Variants in WDR19 observed in about 807,000 individuals in gnomAD.
The protein encoded by WDR19 is WD repeat domain 19, also known as WD repeat-containing protein 19.
WDR19 carries 121 observed loss-of-function variants against 180.0 expected under a neutral mutation model. The ratio of observed to expected loss-of-function variants is 0.67; its 90% CI spans 0.58 to 0.78. The LOEUF (loss-of-function observed/expected upper bound fraction) is 0.78, where lower values mean the gene tolerates loss of function less well. Ranked by LOEUF, WDR19 falls within the 30% of genes least tolerant of loss-of-function variation. The pLI is 0.00. For missense variants in WDR19, 1,450 were observed against 1,640.7 expected (o/e 0.88, Z 2.01); for synonymous variants, 497 against 540.7 (o/e 0.92, Z 1.12).
chr4:39,228,724 A>C (rs1730550205), intron 17 of WDR19, 34 bp downstream of exon 17: 103 of 1,486,738 alleles, frequency 6.9e-5, no homozygotes, highest in Non-Finnish European at 8.2e-5. Flanking sequence ...GGAACTTCTC[A>C]TTTGCTTTTG....
At chr4:39,223,002 G>A (rs1000584190) in intron 14 of WDR19, among the ~76,000 whole-genome samples, 4 of 152,000 alleles carry the variant, frequency 2.6e-5, no homozygotes, top group Admixed American at 2.6e-4. Context: ...TTTTCACTCA[G>A]CAGACTTCTC....
In WDR19 at chr4:39,194,675, A is replaced by C. The variant is rs749043868; in HGVS notation, c.406+16A>C. On this transcript the variant is annotated intron_variant, in intron 5 of 36. Transcript: ENST00000399820. The stretch of plus-strand genomic sequence containing the variant: ...CCTGTCCTTGGTAGGTGATAGCTGG[A>C]AACACTGCTAAATATTTGAGATGCT... The C allele has an allele frequency of 3.9e-6, 6 of 1,529,128 alleles. No individual in the cohort carries two copies. The East Asian group carries it at 1.4e-4, about 35-fold the overall frequency. 94.7% of individuals were successfully genotyped at this position (1,529,128 alleles called of 1,614,324 possible).
intron 28 of WDR19, among the ~76,000 whole-genome samples, chr4:39,260,340 CTTT>C (rs71192837): frequency 4.4e-5 from 4 of 89,948 alleles, no homozygotes; most frequent in Non-Finnish European, 4.7e-5. Flanking sequence ...TTTTTTTTTT[CTTT>C]TTTTTTTTTT....
chr4:39,202,840 A>G (rs553988916), intron 6 of WDR19, among the ~76,000 whole-genome samples: 5 of 151,834 alleles, frequency 3.3e-5, no homozygotes, highest in Non-Finnish European at 5.9e-5. Context: ...CTCTTGATGC[A>G]TTGTTTCTTT....
chr4:39,232,360 C>T, intron 19 of WDR19, 88 bp downstream of exon 19: 1 of 1,059,530 alleles, frequency 9.4e-7, no homozygotes. Context: ...TGCAGCCGCT[C>T]ACGCCTCTAA....
chr4:39,206,469 C>T (rs952257635), intron 9 of WDR19, among the ~76,000 whole-genome samples: 2 of 152,124 alleles, frequency 1.3e-5, no homozygotes, highest in African/African-American at 2.4e-5. Context: ...CTATTTTTCT[C>T]TCTGTCCTCC....
In WDR19 at chr4:39,237,340, G is replaced by A. The variant is rs570328588; in HGVS notation, c.2363+2465G>A. 1.5e-4 allele frequency among the ~76,000 whole-genome samples: 23 copies of A among 152,122 alleles called. 1 individual carries two copies. In the South Asian group the frequency reaches 4.4e-3, roughly 29 times the overall value. ...TTGAGAGGCCCAAGGGAGGAAGACT[G>A]CTTGAGCTCAGGAGTTTGAGACCAG... On this transcript the variant is annotated intron_variant, in intron 20 of 36. Transcript: ENST00000399820.
rs1577823005 is a variant in WDR19 at position 39,186,576 on chromosome 4, C to CA, written c.142dup (p.Arg48LysfsTer3). ...TGTGAAAATCTTTGATCGCCATGGT[C>CA]AAAAAAGAAGTGAAATTAACTTACC... On this transcript the variant is annotated frameshift_variant, in exon 3 of 37. Coordinates refer to ENST00000399820, the MANE Select transcript of WDR19 (RefSeq NM_025132.4). LOFTEE classifies it high-confidence loss of function. 6.4e-7 allele frequency: 1 copy of CA among 1,570,846 alleles called. No homozygotes were observed. Among genetic ancestry groups the CA allele is most frequent in the Non-Finnish European group, 8.6e-7 (1 of 1,161,526 alleles).
At chr4:39,277,437 G>A (rs572358549) in intron 34 of WDR19, among the ~76,000 whole-genome samples, 132 of 152,278 alleles carry the variant, frequency 8.7e-4, no homozygotes, top group African/African-American at 3.0e-3. Context: ...ACAGATTGAC[G>A]AGCTACACAA....
chr4:39,279,624 C>G (rs1211130855), intron 36 of WDR19, among the ~76,000 whole-genome samples: 1 of 152,116 alleles, frequency 6.6e-6, no homozygotes, highest in Non-Finnish European at 1.5e-5. Context: ...GTTGCACCCT[C>G]TTACATTCCC....
At chr4:39,218,742 TAA>T (rs1367614028) in intron 14 of WDR19, 1 of 152,332 alleles carries the variant, frequency 6.6e-6, no homozygotes, top group Non-Finnish European at 1.5e-5. Context: ...GCTTTATATT[TAA>T]AAAAACTTTT....
At chr4:39,263,938 A>AG (rs1734545367) in intron 28 of WDR19, among the ~76,000 whole-genome samples, 1 of 151,050 alleles carries the variant, frequency 6.6e-6, no homozygotes, top group Non-Finnish European at 1.5e-5. Flanking sequence ...AAAAAAAAAA[A>AG]ATAGGGACAC....
At chr4:39,265,186 TG>T (rs995524338) in intron 28 of WDR19, among the ~76,000 whole-genome samples, 7 of 152,026 alleles carry the variant, frequency 4.6e-5, no homozygotes, top group African/African-American at 1.7e-4. Context: ...CCCAAAGTGC[TG>T]GGATTACAGG....
At position 39,281,234 on chromosome 4, in the gene WDR19, T is replaced by TAGAGAGAGAGAGAG. The variant is rs1189043858; in HGVS notation, c.*13+2572_*13+2573insGAGAGAGAGAGAGA. On this transcript the variant is annotated intron_variant, in intron 36 of 36. Transcript: ENST00000399820. ...GTGTGTGTATATATATATATATATA[T>TAGAGAGAGAGAGAG]ATAGAGAGAGAGAGAGAGAGAGAGA... Among the ~76,000 whole-genome samples the TAGAGAGAGAGAGAG allele has an allele frequency of 2.1e-3, 226 of 108,236 alleles. 1 individual carries two copies. The highest frequency in any genetic ancestry group is 2.8e-3 in the Non-Finnish European group (155 of 56,264). The allele number at this position is 108,236 out of a possible 152,430, so 71.0% of individuals were successfully genotyped here.
intron 15 of WDR19, among the ~76,000 whole-genome samples, chr4:39,225,634 G>A (rs1730167678): frequency 6.6e-6 from 1 of 152,002 alleles, no homozygotes; most frequent in African/African-American, 2.4e-5. Context: ...CTGTGTTTTT[G>A]GTCAAATTCA....
At position 39,240,299 on chromosome 4, in the gene WDR19, G is replaced by T; in HGVS notation, c.2386G>T (p.Ala796Ser). Reference sequence around the variant, plus strand: ...CAGGGGTGATTATGTAAATGCTTTGGCTCATTATGAGAAAGGAATAACAGG... The same window carrying T: ...CAGGGGTGATTATGTAAATGCTTTGTCTCATTATGAGAAAGGAATAACAGG... The part of the protein sequence containing the change: ...EFAGDYVNAL[A>S]HYEKGITGDN... Residue 796 changes from alanine (A) to serine (S), a missense_variant, in exon 21 of 37, where the codon GCT becomes TCT. Physicochemically the swap from Ala to Ser is moderately conservative, Grantham distance 99 (BLOSUM62 1). Coordinates refer to ENST00000399820, the MANE Select transcript of WDR19 (RefSeq NM_025132.4). 1 of 1,427,798 alleles carries T rather than the reference G, an allele frequency of 7.0e-7. No homozygotes were observed. Among genetic ancestry groups the T allele is most frequent in the Non-Finnish European group, 9.2e-7 (1 of 1,087,102 alleles). The allele number at this position is 1,427,798 out of a possible 1,614,324, so 88.4% of individuals were successfully genotyped here.
chr4:39,227,091 G>T (rs889568629), intron 15 of WDR19, among the ~76,000 whole-genome samples: 7 of 151,806 alleles, frequency 4.6e-5, no homozygotes, highest in African/African-American at 1.7e-4. Context: ...TTTTTCATGC[G>T]AACTCTCTGT....
At chr4:39,276,098 C>T (rs565068560) in intron 33 of WDR19, among the ~76,000 whole-genome samples, 12 of 152,256 alleles carry the variant, frequency 7.9e-5, no homozygotes, top group African/African-American at 2.4e-4. Context: ...TACATTATGA[C>T]GAGACCCAGG....
rs759791643 is a variant in WDR19, at chr4:39,225,046, C to A, written c.1629+13C>A. On this transcript the variant is annotated intron_variant, in intron 15 of 36. Transcript: ENST00000399820. ...TGTTTACTGTCCAGTAAGTCTGGAA[C>A]ATTTTTAAATGTTTATTTTTTGAAA... 3 of 1,507,458 alleles carry A rather than the reference C, an allele frequency of 2.0e-6. No individual in the cohort carries two copies. The highest frequency in any genetic ancestry group is 2.5e-5 in the Admixed American group (1 of 39,718). The allele number at this position is 1,507,458 out of a possible 1,614,324, so 93.4% of individuals were successfully genotyped here.
Sources: gnomAD v4.1 joint callset for allele counts (sites outside exome capture counted in the v4.1 genomes callset) on GRCh38, gnomAD v4.1.1 for gene constraint, MANE v1.5 for transcripts, NCBI Gene and HGNC (gene_info 2026-07-23, HGNC 2026-07-21) for gene names.